FRMD4B: variants seen among roughly 807,000 people sequenced by gnomAD.
FRMD4B encodes FERM domain containing 4B.
Under a neutral mutation model 141.5 loss-of-function variants are expected in FRMD4B, and 74 were observed. That is an observed-to-expected ratio of 0.52 (90% CI 0.43 to 0.63). The LOEUF (loss-of-function observed/expected upper bound fraction) is 0.63, where lower values mean the gene tolerates loss of function less well. FRMD4B is among the 30% of genes least tolerant of loss of function. The pLI is 0.00. For missense variants in FRMD4B, 1,366 were observed against 1,253.4 expected, an observed-to-expected ratio of 1.09 and a Z score of -1.36; for synonymous variants, 506 against 467.9, an observed-to-expected ratio of 1.08 and a Z score of -1.05.
intron 7 of FRMD4B, among the ~76,000 whole-genome samples, chr3:69,234,244 C>CA (rs34192296): frequency 0.031 from 2,338 of 75,114 alleles, 32 homozygotes; most frequent in African/African-American, 0.061. Context: ...GACCCTGTCT[C>CA]AAAAAAAAAA....
rs547360982 is a variant in FRMD4B, at chr3:69,198,966, C to CT, written c.877-193dup. 1.9e-4 allele frequency: 107 copies of CT among 576,864 alleles called. No individual in the cohort carries two copies. In the African/African-American group the frequency reaches 1.9e-3, roughly 10 times the overall value. 35.7% of individuals were successfully genotyped at this position (576,864 alleles called of 1,614,324 possible). A position where few individuals can be genotyped will look rare whatever the true frequency, so the allele number is the denominator to read the frequency against. On this transcript the variant is annotated intron_variant, in intron 11 of 22. Coordinates refer to ENST00000398540, the MANE Select transcript of FRMD4B (RefSeq NM_015123.3). ...TTTTATTCCTTCTTCTGGCAGCAAT[C>CT]TTTAACTATTAAGATTCACCTCGGC...
At chr3:69,210,376 G>A (rs902095864) in intron 11 of FRMD4B, among the ~76,000 whole-genome samples, 3 of 151,018 alleles carry the variant, frequency 2.0e-5, no homozygotes, top group Non-Finnish European at 4.4e-5. Flanking sequence ...ATTTTTCCTT[G>A]AAATACTGAA....
chr3:69,308,942 T>G (rs1414641548), intron 3 of FRMD4B, among the ~76,000 whole-genome samples: 2 of 152,184 alleles, frequency 1.3e-5, no homozygotes, highest in Non-Finnish European at 2.9e-5. Flanking sequence ...TGGCCTTTTA[T>G]GTTCTTCAAT....
At chr3:69,222,203 T>G (rs929662165) in intron 8 of FRMD4B, among the ~76,000 whole-genome samples, 1 of 152,086 alleles carries the variant, frequency 6.6e-6, no homozygotes, top group Admixed American at 6.6e-5. Context: ...CCAGGCGTGG[T>G]GGCTCACGCC....
intron 1 of FRMD4B, among the ~76,000 whole-genome samples, chr3:69,356,580 TATATATACACACACACATAC>T (rs1703329453): frequency 6.7e-6 from 1 of 150,078 alleles, no homozygotes; most frequent in Non-Finnish European, 1.5e-5. Context: ...TATATAGATA[TATATATACACACACACATAC>T]ATATATACAC....
At chr3:69,471,162 G>C (rs1705882498) in intron 1 of FRMD4B, among the ~76,000 whole-genome samples, 1 of 152,096 alleles carries the variant, frequency 6.6e-6, no homozygotes, top group Non-Finnish European at 1.5e-5. Context: ...CAAGGGGTTT[G>C]GTGAGTTTTT....
At chr3:69,310,110 C>T (rs1280415998) in intron 3 of FRMD4B, among the ~76,000 whole-genome samples, 1 of 152,156 alleles carries the variant, frequency 6.6e-6, no homozygotes, top group Non-Finnish European at 1.5e-5. Context: ...GTTGAGCCCT[C>T]TTTGGGAAAC....
intron 22 of FRMD4B, among the ~76,000 whole-genome samples, chr3:69,174,643 A>G (rs2092623650): frequency 6.6e-6 from 1 of 152,156 alleles, no homozygotes; most frequent in African/African-American, 2.4e-5. Context: ...CTATCAAGCC[A>G]TCTTGGGCTG....
intron 1 of FRMD4B, among the ~76,000 whole-genome samples, chr3:69,492,912 C>A (rs1706324258): frequency 6.6e-6 from 1 of 152,160 alleles, no homozygotes; most frequent in African/African-American, 2.4e-5. Context: ...ATGACATATA[C>A]TCTATATTTT....
At chr3:69,541,652 G>C (rs891374311) in intron 1 of FRMD4B, among the ~76,000 whole-genome samples, 1 of 152,186 alleles carries the variant, frequency 6.6e-6, no homozygotes. Flanking sequence ...AAAATGAAAA[G>C]TGAAATACTC....
rs77545471 is a variant in FRMD4B, at chr3:69,214,019, C to A, written c.876+2244G>T. Among the ~76,000 whole-genome samples the A allele has an allele frequency of 3.7e-3, 565 of 152,096 alleles. 15 individuals are homozygous for A. The East Asian group carries it at 0.074, about 20-fold the overall frequency. Reference sequence around the variant, plus strand: ...GTAAGAAGCCTCAACGCCCTACTAGCCTGATCCAGGAAAGCTGGATCAGTA... The same window carrying A: ...GTAAGAAGCCTCAACGCCCTACTAGACTGATCCAGGAAAGCTGGATCAGTA... On this transcript the variant is annotated intron_variant, in intron 11 of 22. Transcript: ENST00000398540.
intron 1 of FRMD4B, among the ~76,000 whole-genome samples, chr3:69,505,434 T>C (rs979413881): frequency 6.6e-6 from 1 of 152,134 alleles, no homozygotes; most frequent in Non-Finnish European, 1.5e-5. Context: ...TATTTACTTG[T>C]ATCATTCTTT....
rs756802830 is a variant in FRMD4B at position 69,181,629 on chromosome 3, G to T, written c.2121C>A (p.Ser707Arg). The T allele has an allele frequency of 1.2e-6, 2 of 1,612,924 alleles. No individual in the cohort carries two copies. Among genetic ancestry groups the T allele is most frequent in the African/African-American group, 2.7e-5 (2 of 74,854 alleles). The change falls in exon 21 of 23, where the codon AGC becomes AGA. Residue 707 changes from serine to arginine, a missense_variant. Coordinates refer to ENST00000398540, the MANE Select transcript of FRMD4B (RefSeq NM_015123.3). Reference protein sequence around the residue: ...SQSHLLSEMDSDKPFFSLSKS... With the variant: ...SQSHLLSEMDRDKPFFSLSKS... ...TGGAGAGGGAGAAAAATGGCTTATC[G>T]CTGTCCATCTCGGAGAGCAGGTGGG...
rs757634766 is a variant in FRMD4B at position 69,267,577 on chromosome 3, ATG to A, written c.502-17480_502-17479del. 8.8e-3 allele frequency among the ~76,000 whole-genome samples: 398 copies of A among 45,300 alleles called. 17 individuals are homozygous for A. The highest frequency in any genetic ancestry group is 0.04 in the African/African-American group (379 of 9,574). The allele number at this position is 45,300 out of a possible 152,430, so 29.7% of individuals were successfully genotyped here. On this transcript the variant is annotated intron_variant, in intron 5 of 22. Transcript: ENST00000398540. ...GAAAATATTTAGTACATATATATATATGTGTGTGTGTGTGTGTGTATATATAT... is the reference window on the plus strand; with the variant it reads ...GAAAATATTTAGTACATATATATATATGTGTGTGTGTGTGTGTATATATAT...
intron 1 of FRMD4B, among the ~76,000 whole-genome samples, chr3:69,452,403 C>T (rs139046183): frequency 4.1e-4 from 62 of 152,328 alleles, no homozygotes; most frequent in African/African-American, 1.4e-3. Context: ...TGCCACTTAC[C>T]GAGTGGGTGA....
At chr3:69,175,190 G>T (rs1377228443) in intron 22 of FRMD4B, among the ~76,000 whole-genome samples, 2 of 152,136 alleles carry the variant, frequency 1.3e-5, no homozygotes, top group Non-Finnish European at 2.9e-5. Context: ...GTTGTAGTCT[G>T]TATAACTTAG....
At chr3:69,398,361 G>A (rs938016004) in intron 2 of FRMD4B, among the ~76,000 whole-genome samples, 2 of 152,104 alleles carry the variant, frequency 1.3e-5, no homozygotes, top group Admixed American at 1.3e-4. Flanking sequence ...AGGGTGATTA[G>A]CATATCCATC....
chr3:69,379,375 T>C (rs1044326242), intron 1 of FRMD4B, among the ~76,000 whole-genome samples: 1 of 152,026 alleles, frequency 6.6e-6, no homozygotes, highest in Non-Finnish European at 1.5e-5. Context: ...GCCTCCCAGG[T>C]TCAAGCGTTC....
At chr3:69,263,258 AAAATAAATAAAT>A (rs969123925) in intron 5 of FRMD4B, among the ~76,000 whole-genome samples, 4 of 151,978 alleles carry the variant, frequency 2.6e-5, no homozygotes, top group Non-Finnish European at 5.9e-5. Flanking sequence ...CTCCGTCTCA[AAAATAAATAAAT>A]AAATAAATAA....
Sources: gnomAD v4.1 joint callset for allele counts (sites outside exome capture counted in the v4.1 genomes callset) on GRCh38, gnomAD v4.1.1 for gene constraint, MANE v1.5 for transcripts, NCBI Gene and HGNC (gene_info 2026-07-23, HGNC 2026-07-21) for gene names.